TRAPPC11: variants seen among roughly 807,000 people sequenced by gnomAD.
TRAPPC11 encodes the protein trafficking protein particle complex subunit 11.
A neutral mutation model predicts 151.2 loss-of-function variants in TRAPPC11; 104 were observed. The observed-to-expected ratio is 0.69, with a 90% confidence interval of 0.59 to 0.81. TRAPPC11 has a LOEUF of 0.81. Ranked by LOEUF, TRAPPC11 falls within the 30% of genes least tolerant of loss-of-function variation. TRAPPC11 has a pLI of 0.00. For missense variants in TRAPPC11, 1,230 were observed against 1,349.6 expected (o/e 0.91, Z 1.39); for synonymous variants, 456 against 472.3 (o/e 0.97, Z 0.45).
chr4:183,666,609 G>A (rs1002446201), intron 3 of TRAPPC11, among the ~76,000 whole-genome samples, 183 bp downstream of exon 3: 4 of 152,172 alleles, frequency 2.6e-5, no homozygotes, highest in African/African-American at 7.2e-5. Flanking sequence ...TGCTGGGTAC[G>A]TGAAGAAATT....
chr4:183,676,127 T>C (rs1487930168), intron 7 of TRAPPC11, among the ~76,000 whole-genome samples: 1 of 152,228 alleles, frequency 6.6e-6, no homozygotes, highest in Non-Finnish European at 1.5e-5. Flanking sequence ...TCTCAACAAC[T>C]TCATATAACT....
rs981293069 is a variant in TRAPPC11 at position 183,663,883 on chromosome 4, T to A, written c.16T>A (p.Trp6Arg). Residue 6 changes from tryptophan to arginine, a missense_variant, in exon 2 of 30, where the codon TGG (tryptophan) becomes AGG (arginine). Transcript: ENST00000334690. MSPTQ[W>R]DFPVELCCRP... is the part of the protein sequence containing the mutation. Reference sequence around the variant, plus strand: ...CATCGTAAACATGAGCCCCACACAGTGGGACTTCCCTGTGGAATTATGTTG... The same window carrying A: ...CATCGTAAACATGAGCCCCACACAGAGGGACTTCCCTGTGGAATTATGTTG... The A allele has an allele frequency of 6.2e-7, 1 of 1,613,842 alleles. No individual in the cohort carries two copies. Among genetic ancestry groups the A allele is most frequent in the Non-Finnish European group, 8.5e-7 (1 of 1,179,856 alleles).
At chr4:183,712,392 C>T (rs948546740) in intron 29 of TRAPPC11, among the ~76,000 whole-genome samples, 8 of 152,254 alleles carry the variant, frequency 5.3e-5, no homozygotes, top group African/African-American at 1.2e-4. Context: ...CAGCCTGTGC[C>T]GTGGCCATCC....
At chr4:183,682,385 C>T (rs562295603) in intron 10 of TRAPPC11, among the ~76,000 whole-genome samples, 26 of 152,140 alleles carry the variant, frequency 1.7e-4, no homozygotes, top group Non-Finnish European at 3.1e-4. Flanking sequence ...CTCCTTGTAA[C>T]ATTGTTTTCA....
Position 183,710,435 on chromosome 4 carries a change from T to C in TRAPPC11, c.3357+1861T>C, listed in dbSNP as rs374896040. Among the ~76,000 whole-genome samples the C allele has an allele frequency of 2.4e-3, 364 of 151,982 alleles. 1 individual carries two copies. The highest frequency in any genetic ancestry group is 8.3e-3 in the African/African-American group (345 of 41,476). ...CCGAGTAGCTGGGACTACAAGCGCC[T>C]GCCACCACGCCTGGCTAATTTTTTG... On this transcript the variant is annotated intron_variant, in intron 29 of 29. Coordinates refer to ENST00000334690, the MANE Select transcript of TRAPPC11 (RefSeq NM_021942.6).
rs1455981485 is a variant in TRAPPC11 at position 183,697,757 on chromosome 4, C to T, written c.2773C>T (p.Leu925Phe). 3 of 1,614,132 alleles carry T rather than the reference C, an allele frequency of 1.9e-6. No individual in the cohort carries two copies. The highest frequency in any genetic ancestry group is 1.7e-6 in the Non-Finnish European group (2 of 1,180,034). ...CCTCTTAAGTGCCTCACCCTGGGCC[C>T]TCACTATTGTTTCCAGTGAGCTCCA... ...TDLLSASPWA[L>F]TIVSSELQLA... Residue 925 changes from leucine to phenylalanine, a missense_variant, in exon 25 of 30, where the codon CTC (leucine) becomes TTC (phenylalanine). Physicochemically the swap from Leu to Phe is conservative, Grantham distance 22. Coordinates refer to ENST00000334690, the MANE Select transcript of TRAPPC11 (RefSeq NM_021942.6).
chr4:183,681,596 C>A (rs553412029), intron 10 of TRAPPC11, among the ~76,000 whole-genome samples: 1 of 151,810 alleles, frequency 6.6e-6, no homozygotes, highest in Non-Finnish European at 1.5e-5. Flanking sequence ...CTGGCTAACA[C>A]GATGAAACCC....
rs572134655 is a variant in TRAPPC11 at position 183,685,208 on chromosome 4, A to G, written c.1629+63A>G. The G allele has an allele frequency of 4.1e-5, 66 of 1,610,064 alleles. 1 individual carries two copies. In the Middle Eastern group the frequency reaches 6.6e-4, roughly 16 times the overall value. On this transcript the variant is annotated intron_variant, in intron 16 of 29. Transcript: ENST00000334690. ...AATATGTGTACTTATATCTATATCA[A>G]CTAATCCAAGTAGTGGTTTTTATTC...
chr4:183,666,476 A>T, intron 3 of TRAPPC11, 50 bp downstream of exon 3: 9 of 1,562,170 alleles, frequency 5.8e-6, no homozygotes, highest in Non-Finnish European at 7.8e-6. Context: ...CATGTGTGTT[A>T]TTCACTAACA....
At chr4:183,694,504 G>T (rs1003074049) in intron 22 of TRAPPC11, 100 bp from the exon 23 acceptor site, 1 of 1,199,156 alleles carries the variant, frequency 8.3e-7, no homozygotes, top group African/African-American at 1.5e-5. Flanking sequence ...TAGCCAGTTG[G>T]TATAAATAAA....
Position 183,708,466 on chromosome 4 carries a change from G to C in TRAPPC11, c.3249G>C (p.Leu1083=). ...EQEMLYNFYP[L]MAGYQQLPSL... is the part of the protein sequence containing the mutation. ...AAATGCTATATAATTTCTATCCTCT[G>C]ATGGCTGGATACCAGCAGCTGCCAT... Residue 1083 remains leucine (L), a synonymous_variant, in exon 29 of 30, where the codon CTG becomes CTC. Transcript: ENST00000334690. The C allele has an allele frequency of 6.2e-7, 1 of 1,614,030 alleles. No individual in the cohort carries two copies. Among genetic ancestry groups the C allele is most frequent in the Non-Finnish European group, 8.5e-7 (1 of 1,179,976 alleles).
rs1231318970 is a variant in TRAPPC11 at position 183,712,458 on chromosome 4, C to T, written c.3358-142C>T. ...GGTGAAAGGAGGAGAATCACCATAT[C>T]ACCATTTTTATTTTGATGCTTACAC... On this transcript the variant is annotated intron_variant, in intron 29 of 29. Coordinates refer to ENST00000334690, the MANE Select transcript of TRAPPC11 (RefSeq NM_021942.6). The T allele has an allele frequency of 9.5e-6, 8 of 841,244 alleles. No homozygotes were observed. In the African/African-American group the frequency reaches 1.2e-4, roughly 13 times the overall value. 52.1% of individuals were successfully genotyped at this position (841,244 alleles called of 1,614,324 possible).
At chr4:183,699,008 GTT>G (rs1736677679) in intron 25 of TRAPPC11, among the ~76,000 whole-genome samples, 1 of 152,086 alleles carries the variant, frequency 6.6e-6, no homozygotes, top group Non-Finnish European at 1.5e-5. Context: ...GTCCTTAACT[GTT>G]TTCTTCCTTG....
intron 17 of TRAPPC11, among the ~76,000 whole-genome samples, chr4:183,685,811 T>C (rs1419550456): frequency 6.6e-6 from 1 of 152,060 alleles, no homozygotes; most frequent in Non-Finnish European, 1.5e-5. Context: ...AAATTTTATT[T>C]TATATTATTT....
intron 29 of TRAPPC11, 97 bp downstream of exon 29, chr4:183,708,671 A>G: frequency 8.7e-7 from 1 of 1,147,022 alleles, no homozygotes; most frequent in East Asian, 2.5e-5. Flanking sequence ...TTTTGAGACC[A>G]ACAGTGATAG....
intron 26 of TRAPPC11, among the ~76,000 whole-genome samples, chr4:183,704,752 G>T (rs1736969926): frequency 6.6e-6 from 1 of 152,082 alleles, no homozygotes; most frequent in African/African-American, 2.4e-5. Flanking sequence ...GGCAGAGCTT[G>T]CAGTGAGCCG....
intron 2 of TRAPPC11, 22 bp downstream of exon 2, chr4:183,664,093 GTGTTCTT>G: frequency 6.3e-7 from 1 of 1,583,970 alleles, no homozygotes; most frequent in Non-Finnish European, 8.6e-7. Flanking sequence ...GTGATGGCAT[GTGTTCTT>G]TCCTTCTCTC....
At chr4:183,695,332 C>T (rs7697882) in intron 23 of TRAPPC11, among the ~76,000 whole-genome samples, 2,242 of 152,142 alleles carry the variant, frequency 0.015, 52 homozygotes, top group African/African-American at 0.052. Flanking sequence ...AGTTGACTTA[C>T]ATATAGAGGG....
intron 2 of TRAPPC11, among the ~76,000 whole-genome samples, chr4:183,665,254 C>A (rs1302547634): frequency 6.6e-6 from 1 of 151,948 alleles, no homozygotes; most frequent in Non-Finnish European, 1.5e-5. Flanking sequence ...GCCACCACGT[C>A]CAGCTAATTT....
Sources: gnomAD v4.1 joint callset for allele counts (sites outside exome capture counted in the v4.1 genomes callset) on GRCh38, gnomAD v4.1.1 for gene constraint, MANE v1.5 for transcripts, NCBI Gene and HGNC (gene_info 2026-07-23, HGNC 2026-07-21) for gene names.